Variants in TRPM2 observed in about 807,000 individuals in gnomAD.
TRPM2 encodes estrogen-responsive element-associated gene 1 protein.
TRPM2 carries 161 observed loss-of-function variants against 174.0 expected under a neutral mutation model. That is an observed-to-expected ratio of 0.93 (90% CI 0.81 to 1.05). TRPM2 has a LOEUF of 1.05. Ranked by LOEUF, TRPM2 falls within the 50% of genes least tolerant of loss-of-function variation. The pLI is 0.00. For missense variants in TRPM2, 2,057 were observed against 2,038.0 expected (o/e 1.01, Z -0.18); for synonymous variants, 954 against 861.3 (o/e 1.11, Z -1.88).
intron 27 of TRPM2, among the ~76,000 whole-genome samples, chr21:44,431,556 G>A (rs552673751): frequency 6.6e-6 from 1 of 152,158 alleles, no homozygotes; most frequent in Admixed American, 6.6e-5. Context: ...TGCAACCTCC[G>A]CCTACTGGGT....
intron 17 of TRPM2, among the ~76,000 whole-genome samples, chr21:44,405,577 T>A (rs879195427): frequency 6.6e-6 from 1 of 152,120 alleles, no homozygotes; most frequent in Non-Finnish European, 1.5e-5. Context: ...GCCTCCCTAC[T>A]GTGGGCTCAC....
chr21:44,417,891 C>A, intron 20 of TRPM2, 36 bp from the exon 21 acceptor site: 1 of 1,593,900 alleles, frequency 6.3e-7, no homozygotes, highest in Non-Finnish European at 8.5e-7. Context: ...GGGTAAACAC[C>A]CTGACCTCGA....
Position 44,379,631 on chromosome 21 carries a change from T to G in TRPM2, c.1215+434T>G, listed in dbSNP as rs556049298. On this transcript the variant is annotated intron_variant, in intron 8 of 31. Transcript: ENST00000397928. The stretch of plus-strand genomic sequence containing the variant: ...GTTAATGGAGGCATGTAGAGTGGCC[T>G]CAGGAGGGGCCATTGCCCCAGTCCA... Among the ~76,000 whole-genome samples the G allele has an allele frequency of 1.9e-3, 296 of 152,328 alleles. 1 individual carries two copies. Among genetic ancestry groups the G allele is most frequent in the African/African-American group, 6.9e-3 (288 of 41,586 alleles).
At position 44,419,757 on chromosome 21, in the gene TRPM2, A is replaced by AGTGGTG. The variant is rs140387137; in HGVS notation, c.3461+1218_3461+1223dup. The stretch of plus-strand genomic sequence containing the variant: ...TGGTGATGTTGATGGTGATGATGGC[A>AGTGGTG]GTGGTGGTGGTGGTGGTGGTGATGG... On this transcript the variant is annotated intron_variant, in intron 22 of 31. Coordinates refer to ENST00000397928, the MANE Select transcript of TRPM2 (RefSeq NM_003307.4). Among the ~76,000 whole-genome samples, 18 of 121,722 alleles carry AGTGGTG rather than the reference A, an allele frequency of 1.5e-4. 1 individual carries two copies. Among genetic ancestry groups the AGTGGTG allele is most frequent in the South Asian group, 2.9e-4 (1 of 3,434 alleles). 79.9% of individuals were successfully genotyped at this position (121,722 alleles called of 152,430 possible). A position where few individuals can be genotyped will look rare whatever the true frequency, so the allele number is the denominator to read the frequency against.
chr21:44,407,983 G>A (rs1331099498), intron 19 of TRPM2, among the ~76,000 whole-genome samples: 1 of 151,012 alleles, frequency 6.6e-6, no homozygotes, highest in Non-Finnish European at 1.5e-5. Context: ...TTCCCGAGAG[G>A]GAGTCAGGCC....
At chr21:44,418,327 T>C in intron 21 of TRPM2, 96 bp from the exon 22 acceptor site, 3 of 1,514,952 alleles carry the variant, frequency 2.0e-6, no homozygotes, top group Non-Finnish European at 2.7e-6. Flanking sequence ...CACTCAGGAC[T>C]GGCCCCCTCC....
intron 27 of TRPM2, among the ~76,000 whole-genome samples, chr21:44,428,835 C>A (rs1271793353): frequency 7.2e-6 from 1 of 139,482 alleles, no homozygotes; most frequent in Non-Finnish European, 1.6e-5. Context: ...CCTCCCCTTA[C>A]GTCTGGCTCC....
chr21:44,351,419 G>T (rs1387088158), upstream of TRPM2, among the ~76,000 whole-genome samples: 4 of 152,198 alleles, frequency 2.6e-5, no homozygotes, highest in Non-Finnish European at 5.9e-5. Flanking sequence ...CTTGGGTTTG[G>T]AAATCCACCC....
chr21:44,375,119 A>G (rs2048657072), intron 5 of TRPM2, among the ~76,000 whole-genome samples: 1 of 152,160 alleles, frequency 6.6e-6, no homozygotes, highest in East Asian at 1.9e-4. Context: ...TATGTCGTCC[A>G]GGCTGGTCTC....
intron 5 of TRPM2, among the ~76,000 whole-genome samples, chr21:44,373,884 T>C (rs1236138049): frequency 6.6e-6 from 1 of 152,230 alleles, no homozygotes; most frequent in Admixed American, 6.5e-5. Flanking sequence ...TGCAGCAAAG[T>C]TGGCCTTCCC....
intron 22 of TRPM2, chr21:44,422,478 C>T: frequency 6.6e-7 from 1 of 1,520,810 alleles, no homozygotes; most frequent in Admixed American, 2.0e-5. Flanking sequence ...AAAGGAGATG[C>T]CCAGGCCTGG....
In TRPM2 at chr21:44,423,635, C is replaced by T. The variant is rs201169390; in HGVS notation, c.3462-10C>T. The T allele has an allele frequency of 2.9e-4, 469 of 1,610,770 alleles. No individual in the cohort carries two copies. Among genetic ancestry groups the T allele is most frequent in the Non-Finnish European group, 3.9e-4 (455 of 1,179,142 alleles). On this transcript the variant is annotated splice_polypyrimidine_tract_variant and intron_variant, in intron 22 of 31. Transcript: ENST00000397928. The stretch of plus-strand genomic sequence containing the variant: ...TGGTGTGCGTCCAGCTCAGCTGCTT[C>T]CTCTTTCAGGGTTGACGCCATGGTG...
chr21:44,394,317 CTTTTTTTTT>C (rs35448660), intron 11 of TRPM2, among the ~76,000 whole-genome samples: 2 of 112,688 alleles, frequency 1.8e-5, no homozygotes, highest in Non-Finnish European at 3.8e-5. Context: ...AAACACATTT[CTTTTTTTTT>C]TTTTTTTTTT....
intron 19 of TRPM2, among the ~76,000 whole-genome samples, chr21:44,407,667 G>T (rs532032620): frequency 6.6e-6 from 1 of 151,502 alleles, no homozygotes; most frequent in African/African-American, 2.4e-5. Flanking sequence ...TTTTCTGGGC[G>T]TTTCATAGAA....
In TRPM2 at chr21:44,435,192, C is replaced by T. The variant is rs1216396139; in HGVS notation, c.4036C>T (p.His1346Tyr). Residue 1346 changes from histidine to tyrosine, a missense_variant, in exon 28 of 32, where the codon CAC (histidine) becomes TAC (tyrosine). Coordinates refer to ENST00000397928, the MANE Select transcript of TRPM2 (RefSeq NM_003307.4). ...GAGCCTCAGCTGCTTCGGACCCAAC[C>T]ACACGCTGTACCCCATGGTCACGCG... ...RGSLSCFGPN[H>Y]TLYPMVTRWR... 1.2e-6 allele frequency: 2 copies of T among 1,613,410 alleles called. No individual in the cohort carries two copies. The highest frequency in any genetic ancestry group is 1.7e-6 in the Non-Finnish European group (2 of 1,179,584).
At chr21:44,373,833 C>T (rs2146187046) in intron 5 of TRPM2, among the ~76,000 whole-genome samples, 1 of 152,342 alleles carries the variant, frequency 6.6e-6, no homozygotes, top group African/African-American at 2.4e-5. Flanking sequence ...CTGCTCTCCA[C>T]AAAACTGCAC....
intron 16 of TRPM2, 58 bp downstream of exon 16, chr21:44,401,955 C>A: frequency 6.3e-7 from 1 of 1,589,222 alleles, no homozygotes. Flanking sequence ...TGGCTGCATT[C>A]TCATAGGGGA....
intron 11 of TRPM2, among the ~76,000 whole-genome samples, chr21:44,393,099 C>A (rs1157179195): frequency 6.6e-6 from 1 of 152,134 alleles, no homozygotes; most frequent in African/African-American, 2.4e-5. Flanking sequence ...AGTCTCCACC[C>A]TGATTCAGTG....
At chr21:44,357,932 G>A (rs1263417044) in intron 2 of TRPM2, among the ~76,000 whole-genome samples, 2 of 152,200 alleles carry the variant, frequency 1.3e-5, no homozygotes, top group African/African-American at 4.8e-5. Flanking sequence ...GTGTGTTCCT[G>A]GCTGTTCCTT....
Sources: allele counts gnomAD v4.1 joint callset (sites outside exome capture counted in the v4.1 genomes callset), GRCh38; gene constraint gnomAD v4.1.1; transcripts MANE v1.5; gene names NCBI Gene and HGNC (gene_info 2026-07-23, HGNC 2026-07-21).